The following PLS1 variants were observed in gnomAD, a reference collection of about 807,000 sequenced individuals.
PLS1 encodes plastin-1.
Under a neutral mutation model 73.7 loss-of-function variants are expected in PLS1, and 32 were observed. The observed-to-expected ratio is 0.43, with a 90% CI of 0.33 to 0.58. The LOEUF (loss-of-function observed/expected upper bound fraction) is 0.58. PLS1 is among the 20% of genes least tolerant of loss of function. PLS1 has a pLI of 0.04. For missense variants in PLS1, 633 were observed against 740.5 expected (o/e 0.85, Z 1.68); for synonymous variants, 217 against 261.3 (o/e 0.83, Z 1.63).
chr3:142,618,983 G>C (rs1046339825), intron 1 of PLS1, among the ~76,000 whole-genome samples: 11 of 152,310 alleles, frequency 7.2e-5, no homozygotes, highest in Non-Finnish European at 1.3e-4. Flanking sequence ...GCCTGCCACA[G>C]ATGTGTTGTC....
At chr3:142,685,578 A>G (rs558918227) in intron 8 of PLS1, among the ~76,000 whole-genome samples, 2 of 152,264 alleles carry the variant, frequency 1.3e-5, no homozygotes, top group East Asian at 3.9e-4. Flanking sequence ...CTCCTCCACA[A>G]GGCCTCTCTA....
At chr3:142,597,519 C>A (rs1341084613) in intron 1 of PLS1, among the ~76,000 whole-genome samples, 1 of 152,078 alleles carries the variant, frequency 6.6e-6, no homozygotes, top group Admixed American at 6.6e-5. Context: ...GAAGAGAAAC[C>A]TATATGGAAA....
At chr3:142,612,181 TG>T (rs1202750205) in intron 1 of PLS1, among the ~76,000 whole-genome samples, 1 of 152,238 alleles carries the variant, frequency 6.6e-6, no homozygotes, top group Non-Finnish European at 1.5e-5. Flanking sequence ...TAGTTCTCAC[TG>T]GTTTAACTTT....
chr3:142,687,763 A>G (rs2038002567), intron 9 of PLS1, among the ~76,000 whole-genome samples: 1 of 152,174 alleles, frequency 6.6e-6, no homozygotes, highest in African/African-American at 2.4e-5. Flanking sequence ...TATTTCTAAA[A>G]GACAAAGACA....
chr3:142,665,384 A>G (rs1354207694), intron 2 of PLS1, among the ~76,000 whole-genome samples: 2 of 151,796 alleles, frequency 1.3e-5, no homozygotes, highest in Admixed American at 6.6e-5. Flanking sequence ...ACTAAATTCT[A>G]CAAATCTCTG....
chr3:142,678,659 A>G (rs2037776155), intron 6 of PLS1, among the ~76,000 whole-genome samples: 1 of 150,564 alleles, frequency 6.6e-6, no homozygotes, highest in Admixed American at 6.6e-5. Flanking sequence ...CATTTTCTTA[A>G]TCCAGTCTAT....
At chr3:142,637,870 C>CTA (rs573027183) in intron 1 of PLS1, among the ~76,000 whole-genome samples, 253 of 151,850 alleles carry the variant, frequency 1.7e-3, no homozygotes, top group African/African-American at 4.5e-3. Flanking sequence ...CCCTCTCTCT[C>CTA]TCTATATATA....
chr3:142,653,222 G>A (rs2037140118), intron 1 of PLS1, among the ~76,000 whole-genome samples: 1 of 152,036 alleles, frequency 6.6e-6, no homozygotes, highest in Admixed American at 6.6e-5. Context: ...TTTGGTCTTT[G>A]TCTTTCTCTT....
rs756442441 is a variant in PLS1, at chr3:142,603,249, A to G, written c.-37+6740A>G. On this transcript the variant is annotated intron_variant, in intron 1 of 15. Coordinates refer to ENST00000457734, the MANE Select transcript of PLS1 (RefSeq NM_001145319.2). ...CCGTTTTTGGTGAGACATATGTAGC[A>G]TGGCTTCTGTAAAGGCACGTTGCTT... Among the ~76,000 whole-genome samples, 133 of 152,312 alleles carry G rather than the reference A, an allele frequency of 8.7e-4. 1 individual carries two copies. The highest frequency in any genetic ancestry group is 4.3e-4 in the Non-Finnish European group (29 of 68,022).
intron 12 of PLS1, among the ~76,000 whole-genome samples, chr3:142,700,219 T>C (rs1270244392): frequency 1.3e-5 from 2 of 152,160 alleles, no homozygotes; most frequent in Non-Finnish European, 2.9e-5. Context: ...TTTTATGGAA[T>C]TTGGGCAATA....
intron 1 of PLS1, among the ~76,000 whole-genome samples, chr3:142,633,641 A>G (rs978804660): frequency 2.0e-5 from 3 of 151,392 alleles, no homozygotes; most frequent in African/African-American, 7.3e-5. Context: ...GGGCGAGAAG[A>G]GCGAAACTCC....
chr3:142,647,451 G>C (rs754056537), intron 1 of PLS1, among the ~76,000 whole-genome samples: 6 of 151,646 alleles, frequency 4.0e-5, no homozygotes, highest in Admixed American at 1.3e-4. Context: ...CCTTAGCTGG[G>C]GTTTGCATCT....
intron 1 of PLS1, among the ~76,000 whole-genome samples, chr3:142,614,817 G>A (rs1430563052): frequency 2.0e-5 from 3 of 152,156 alleles, no homozygotes; most frequent in Non-Finnish European, 2.9e-5. Context: ...ATGGAGGAGG[G>A]TGTGTTTTAA....
chr3:142,692,293 A>C (rs938355513), intron 10 of PLS1, among the ~76,000 whole-genome samples: 7 of 152,122 alleles, frequency 4.6e-5, no homozygotes, highest in African/African-American at 9.7e-5. Context: ...AAATGAAAAG[A>C]ATGTTTTATA....
At chr3:142,669,075 C>G (rs376203452) in intron 2 of PLS1, among the ~76,000 whole-genome samples, 1 of 152,090 alleles carries the variant, frequency 6.6e-6, no homozygotes, top group Admixed American at 6.6e-5. Flanking sequence ...GAGATGGGGT[C>G]TCACTCTATT....
In PLS1 at chr3:142,711,568, G is replaced by T; in HGVS notation, c.1697G>T (p.Arg566Leu). The change falls in exon 15 of 16, where the codon CGT (arginine) becomes CTT (leucine). Residue 566 changes from arginine (R) to leucine (L), a missense_variant. By Grantham distance (102) the Arg-to-Leu change is moderately radical. Coordinates refer to ENST00000457734, the MANE Select transcript of PLS1 (RefSeq NM_001145319.2). ...GATGCCATTGCACCAAATGCAGTTC[G>T]TCAAGAAATGATCAGGAGAGAAAAC... ...LIDAIAPNAV[R>L]QEMIRRENLS... The T allele has an allele frequency of 6.2e-7, 1 of 1,606,678 alleles. No individual in the cohort carries two copies. Among genetic ancestry groups the T allele is most frequent in the South Asian group, 1.1e-5 (1 of 90,426 alleles).
chr3:142,641,175 T>C (rs941528866), intron 1 of PLS1, among the ~76,000 whole-genome samples: 3 of 143,344 alleles, frequency 2.1e-5, no homozygotes, highest in African/African-American at 7.7e-5. Flanking sequence ...TATATATATA[T>C]TATATATATA....
chr3:142,621,229 G>A (rs2036309388), intron 1 of PLS1, among the ~76,000 whole-genome samples: 1 of 152,120 alleles, frequency 6.6e-6, no homozygotes, highest in Non-Finnish European at 1.5e-5. Flanking sequence ...TCTCCATACT[G>A]TACATTTTAA....
chr3:142,697,869 TAA>T, intron 11 of PLS1, 82 bp from the exon 12 acceptor site: 1 of 709,638 alleles, frequency 1.4e-6, no homozygotes. Flanking sequence ...CTTAAAGATA[TAA>T]GTCTATCTCC....
Sources: allele counts gnomAD v4.1 joint callset (sites outside exome capture counted in the v4.1 genomes callset), GRCh38; gene constraint gnomAD v4.1.1; transcripts MANE v1.5; gene names NCBI Gene and HGNC (gene_info 2026-07-23, HGNC 2026-07-21).